TENM3: variants seen among roughly 807,000 people sequenced by gnomAD.
The protein encoded by TENM3 is teneurin-3.
TENM3 carries 63 observed loss-of-function variants against 255.1 expected under a neutral mutation model. The observed-to-expected ratio is 0.25, with a 90% confidence interval of 0.20 to 0.30. The LOEUF (loss-of-function observed/expected upper bound fraction) is 0.30. TENM3 is among the 10% of genes least tolerant of loss of function. The pLI is 1.00. For synonymous variants in TENM3, 1,306 were observed against 1,322.3 expected (o/e 0.99, Z 0.27); for missense variants, 2,929 against 3,461.1 (o/e 0.85, Z 3.86).
Position 182,643,593 on chromosome 4 carries a change from C to G in TENM3, c.989-10178C>G, listed in dbSNP as rs62337369. ...AAAGATCCAGTAACTTGCCAAAGTTCCACAATTATTTAAAGCCAGAATTCA... is the reference window on the plus strand; with the variant it reads ...AAAGATCCAGTAACTTGCCAAAGTTGCACAATTATTTAAAGCCAGAATTCA... On this transcript the variant is annotated intron_variant, in intron 5 of 27. Transcript: ENST00000511685. Among the ~76,000 whole-genome samples the G allele has an allele frequency of 1.1e-4, 17 of 152,222 alleles. No homozygotes were observed. In the South Asian group the frequency reaches 3.3e-3, roughly 30 times the overall value.
chr4:182,179,691 C>G (rs750112573), intron 1 of TENM3, among the ~76,000 whole-genome samples: 1 of 152,158 alleles, frequency 6.6e-6, no homozygotes, highest in African/African-American at 2.4e-5. Context: ...TTTACTTAAT[C>G]CTTTGATTCA....
the TENM3 span, among the ~76,000 whole-genome samples, chr4:181,791,018 G>C: frequency 6.6e-6 from 1 of 152,176 alleles, no homozygotes; most frequent in South Asian, 2.1e-4. Context: ...GCCATATGAT[G>C]AATGCTTTCA....
At chr4:182,144,088 A>G (rs1224782085), upstream of TENM3, 1 of 152,770 alleles carries the variant, frequency 6.5e-6, no homozygotes, top group African/African-American at 2.4e-5. Context: ...GTCAAGGATT[A>G]TAAATGATCA....
the TENM3 span, among the ~76,000 whole-genome samples, chr4:181,991,978 C>T: frequency 6.6e-6 from 1 of 152,086 alleles, no homozygotes; most frequent in Non-Finnish European, 1.5e-5. Flanking sequence ...TACCAAAAGG[C>T]AACAGGCTAA....
At chr4:182,369,229 A>G (rs1376327711) in intron 3 of TENM3, among the ~76,000 whole-genome samples, 1 of 152,198 alleles carries the variant, frequency 6.6e-6, no homozygotes, top group Non-Finnish European at 1.5e-5. Context: ...CTCAACACTT[A>G]TTATGTTTAA....
chr4:181,938,476 C>A, the TENM3 span, among the ~76,000 whole-genome samples: 13 of 152,308 alleles, frequency 8.5e-5, no homozygotes, highest in Admixed American at 3.9e-4. Flanking sequence ...ATTTACAAAA[C>A]ACTCAATAAA....
intron 3 of TENM3, among the ~76,000 whole-genome samples, chr4:182,550,137 T>G: frequency 6.6e-6 from 1 of 152,136 alleles, no homozygotes; most frequent in Non-Finnish European, 1.5e-5. Context: ...TGTGGAAAGT[T>G]TACGTTTAAA....
At chr4:182,534,835 T>A (rs1740137175) in intron 3 of TENM3, among the ~76,000 whole-genome samples, 1 of 152,154 alleles carries the variant, frequency 6.6e-6, no homozygotes, top group African/African-American at 2.4e-5. Context: ...TGTTTTCTGG[T>A]TATAACTGGA....
chr4:181,512,075 C>T, the TENM3 span, among the ~76,000 whole-genome samples: 1 of 152,134 alleles, frequency 6.6e-6, no homozygotes. Context: ...CCTGCTTTCT[C>T]GCCTTCTTCA....
At chr4:182,528,649 A>G (rs1238615051) in intron 3 of TENM3, among the ~76,000 whole-genome samples, 1 of 152,144 alleles carries the variant, frequency 6.6e-6, no homozygotes, top group African/African-American at 2.4e-5. Flanking sequence ...AAACAAACCA[A>G]TTTTGTATTA....
intron 3 of TENM3, among the ~76,000 whole-genome samples, chr4:182,348,355 G>A (rs535543971): frequency 6.6e-6 from 1 of 152,196 alleles, no homozygotes; most frequent in African/African-American, 2.4e-5. Context: ...AGTGGATTCA[G>A]AAGTCACTAA....
At chr4:181,793,115 C>A in the TENM3 span, among the ~76,000 whole-genome samples, 2 of 152,190 alleles carry the variant, frequency 1.3e-5, no homozygotes, top group Non-Finnish European at 2.9e-5. Flanking sequence ...GTTCTGCTCT[C>A]CTTGCCCCTT....
At chr4:182,733,268 C>T (rs1178316065) in intron 16 of TENM3, among the ~76,000 whole-genome samples, 3 of 152,196 alleles carry the variant, frequency 2.0e-5, no homozygotes, top group Admixed American at 2.0e-4. Flanking sequence ...ACAGCAGGCA[C>T]AGCTGGAGTG....
chr4:182,101,299 G>GAA, the TENM3 span, among the ~76,000 whole-genome samples: 6 of 124,094 alleles, frequency 4.8e-5, no homozygotes, highest in Admixed American at 2.5e-4. Flanking sequence ...AGGAAGGAAG[G>GAA]AGGGAGGGAA....
At chr4:182,669,233 T>G (rs904126605) in intron 6 of TENM3, among the ~76,000 whole-genome samples, 2 of 151,922 alleles carry the variant, frequency 1.3e-5, no homozygotes, top group Admixed American at 6.6e-5. Flanking sequence ...AATTATAACA[T>G]AAAGAGTATT....
chr4:182,130,623 A>AATGGCTCAACATAACATATTACCAC, the TENM3 span, among the ~76,000 whole-genome samples: 5 of 152,080 alleles, frequency 3.3e-5, no homozygotes, highest in African/African-American at 1.2e-4. Flanking sequence ...AATGAACTGG[A>AATGGCTCAACATAACATATTACCAC]ATGGCTCAAC....
intron 3 of TENM3, among the ~76,000 whole-genome samples, chr4:182,398,156 C>G (rs1768980129): frequency 6.6e-6 from 1 of 152,152 alleles, no homozygotes; most frequent in South Asian, 2.1e-4. Context: ...AAGTGAAACA[C>G]CAGATTGGAT....
intron 1 of TENM3, among the ~76,000 whole-genome samples, chr4:182,268,055 G>A (rs2150200848): frequency 6.6e-6 from 1 of 152,252 alleles, no homozygotes; most frequent in Middle Eastern, 3.4e-3. Flanking sequence ...ATTACAATCA[G>A]CTAACAACCC....
In TENM3 at chr4:182,799,665, G is replaced by A. The variant is rs1579561265; in HGVS notation, c.7414G>A (p.Glu2472Lys). The A allele has an allele frequency of 1.3e-6, 2 of 1,548,472 alleles. No individual in the cohort carries two copies. The highest frequency in any genetic ancestry group is 1.7e-6 in the Non-Finnish European group (2 of 1,146,672). Residue 2472 changes from glutamate (E) to lysine (K), a missense_variant, in exon 28 of 28, where the codon GAG becomes AAG. Physicochemically the swap from Glu to Lys is moderately conservative, Grantham distance 56. Around this residue, in one of 6 missense-constraint regions of TENM3, gnomAD observed 476 missense variants for 480.1 expected, o/e 0.99. Coordinates refer to ENST00000511685, the MANE Select transcript of TENM3 (RefSeq NM_001080477.4). This position sits in a 1 kb window ranked among gnomAD's most constrained non-coding sequence, Gnocchi z 4.2. ...KAFLSLGKMA[E>K]VQVSRRRAGG... ...CTTCCTGTCGCTGGGGAAGATGGCC[G>A]AGGTGCAGGTGAGCCGGCGCCGGGC...
Sources: gnomAD v4.1 joint callset for allele counts (sites outside exome capture counted in the v4.1 genomes callset) on GRCh38, gnomAD v4.1.1 for gene constraint, gnomAD v4.1.1 regional missense constraint, Gnocchi (gnomAD v3.1) non-coding constraint, MANE v1.5 for transcripts, NCBI Gene and HGNC (gene_info 2026-07-23, HGNC 2026-07-21) for gene names.